Variants in NAALADL2 observed in about 807,000 individuals in gnomAD.
NAALADL2 encodes the protein inactive N-acetylated-alpha-linked acidic dipeptidase-like protein 2.
NAALADL2 carries 76 observed loss-of-function variants against 87.2 expected under a neutral mutation model. The ratio of observed to expected loss-of-function variants is 0.87; its 90% CI spans 0.72 to 1.05. The LOEUF is 1.05. Ranked by LOEUF, NAALADL2 falls within the 50% of genes least tolerant of loss-of-function variation. The pLI is 0.00. For synonymous variants in NAALADL2, 354 were observed against 331.0 expected, an observed-to-expected ratio of 1.07 and a Z score of -0.75; for missense variants, 1,089 against 945.8, an observed-to-expected ratio of 1.15 and a Z score of -1.99.
chr3:175,400,887 T>C (rs1770481011), intron 5 of NAALADL2, among the ~76,000 whole-genome samples: 1 of 152,128 alleles, frequency 6.6e-6, no homozygotes. Flanking sequence ...GAAGTTGGTA[T>C]TTGAATTAGC....
At chr3:175,444,265 T>C (rs1720312125) in intron 5 of NAALADL2, among the ~76,000 whole-genome samples, 1 of 152,196 alleles carries the variant, frequency 6.6e-6, no homozygotes, top group East Asian at 1.9e-4. Flanking sequence ...TATTTCATTA[T>C]CTCATGCACA....
At chr3:175,368,605 A>C (rs1289596292) in intron 5 of NAALADL2, among the ~76,000 whole-genome samples, 1 of 151,082 alleles carries the variant, frequency 6.6e-6, no homozygotes, top group Non-Finnish European at 1.5e-5. Flanking sequence ...GTTTATAGCC[A>C]GTATGTATAT....
chr3:175,248,885 T>C (rs61580846), intron 3 of NAALADL2, among the ~76,000 whole-genome samples: 11,951 of 152,178 alleles, frequency 0.079, 1,531 homozygotes, highest in African/African-American at 0.27. Flanking sequence ...ACAATATAAA[T>C]ATCTCATTTT....
At chr3:175,523,887 A>G (rs1241645707) in intron 9 of NAALADL2, among the ~76,000 whole-genome samples, 1 of 152,230 alleles carries the variant, frequency 6.6e-6, no homozygotes, top group Non-Finnish European at 1.5e-5. Context: ...CAAAGAATTG[A>G]CATACTGACA....
intron 2 of NAALADL2, among the ~76,000 whole-genome samples, chr3:175,193,089 T>C (rs1738445771): frequency 6.6e-6 from 1 of 152,038 alleles, no homozygotes; most frequent in Admixed American, 6.5e-5. Context: ...GCCTGACTTT[T>C]GTAATCTTTA....
At chr3:175,437,395 G>T (rs1185694183) in intron 5 of NAALADL2, among the ~76,000 whole-genome samples, 1 of 145,358 alleles carries the variant, frequency 6.9e-6, no homozygotes, top group African/African-American at 2.6e-5. Context: ...ACTTACAAGG[G>T]ATGTGAAGGA....
intron 8 of NAALADL2, among the ~76,000 whole-genome samples, chr3:175,470,480 A>C (rs1186450090): frequency 1.3e-5 from 2 of 152,176 alleles, no homozygotes; most frequent in African/African-American, 2.4e-5. Context: ...ATATCATTTT[A>C]AGCTGTCAAT....
intron 2 of NAALADL2, among the ~76,000 whole-genome samples, chr3:174,737,112 G>A (rs1328537997): frequency 6.6e-6 from 1 of 152,224 alleles, no homozygotes; most frequent in African/African-American, 2.4e-5. Context: ...CCAGGCCATG[G>A]GGCATGCAGC....
At chr3:174,808,540 G>T (rs1719772509) in intron 3 of NAALADL2, among the ~76,000 whole-genome samples, 1 of 152,108 alleles carries the variant, frequency 6.6e-6, no homozygotes, top group Non-Finnish European at 1.5e-5. Context: ...CTGCCAAAAA[G>T]TCAATACAGC....
At chr3:175,642,991 A>T (rs1229133316) in intron 11 of NAALADL2, among the ~76,000 whole-genome samples, 2 of 152,234 alleles carry the variant, frequency 1.3e-5, no homozygotes, top group Non-Finnish European at 2.9e-5. Context: ...AAGATAATGC[A>T]CATCTCTGAA....
At chr3:174,610,259 G>T (rs1256881069) in intron 2 of NAALADL2, among the ~76,000 whole-genome samples, 1 of 151,902 alleles carries the variant, frequency 6.6e-6, no homozygotes, top group Non-Finnish European at 1.5e-5. Context: ...GCATGGGCAA[G>T]GACTTCATGT....
At chr3:175,745,851 C>T (rs146361975) in intron 12 of NAALADL2, among the ~76,000 whole-genome samples, 10 of 152,308 alleles carry the variant, frequency 6.6e-5, no homozygotes, top group Non-Finnish European at 1.5e-4. Flanking sequence ...ATGTCTAAAA[C>T]AGCACTTTAA....
At chr3:175,553,528 C>T (rs1465239014) in intron 9 of NAALADL2, among the ~76,000 whole-genome samples, 1 of 151,924 alleles carries the variant, frequency 6.6e-6, no homozygotes, top group African/African-American at 2.4e-5. Context: ...TGTACTTACA[C>T]ATTGAACTAG....
intron 2 of NAALADL2, among the ~76,000 whole-genome samples, chr3:175,180,943 T>G (rs4597720): frequency 0.73 from 110,986 of 151,830 alleles, 41,121 homozygotes; most frequent in Non-Finnish European, 0.8. Context: ...CTGAATTTGA[T>G]TTCAGACCAT....
At chr3:175,095,702 C>T (rs765659162) in intron 1 of NAALADL2, among the ~76,000 whole-genome samples, 5 of 152,118 alleles carry the variant, frequency 3.3e-5, no homozygotes, top group South Asian at 2.1e-4. Flanking sequence ...TTGTCTACCA[C>T]GATTCCTAAG....
chr3:175,332,117 C>A (rs914039456), intron 5 of NAALADL2, among the ~76,000 whole-genome samples: 3 of 152,100 alleles, frequency 2.0e-5, no homozygotes, highest in Non-Finnish European at 2.9e-5. Context: ...TGCTCATGGA[C>A]TGGAATAATT....
chr3:175,623,681 A>G (rs1560868868), intron 10 of NAALADL2, among the ~76,000 whole-genome samples: 2 of 152,052 alleles, frequency 1.3e-5, no homozygotes, highest in Admixed American at 6.6e-5. Context: ...CACAGCTACA[A>G]CTAAATAATA....
intron 2 of NAALADL2, among the ~76,000 whole-genome samples, chr3:174,716,085 G>A (rs535452202): frequency 6.6e-6 from 1 of 151,928 alleles, no homozygotes; most frequent in Admixed American, 6.6e-5. Context: ...TATTCTTCCT[G>A]TGACTCCATT....
intron 9 of NAALADL2, among the ~76,000 whole-genome samples, chr3:175,560,348 G>A (rs6810138): frequency 2.0e-5 from 3 of 151,836 alleles, no homozygotes; most frequent in African/African-American, 7.3e-5. Flanking sequence ...CTGGCTAAAG[G>A]TTCGACAATT....
Sources: gnomAD v4.1 joint callset for allele counts (sites outside exome capture counted in the v4.1 genomes callset) on GRCh38, gnomAD v4.1.1 for gene constraint, MANE v1.5 for transcripts, NCBI Gene and HGNC (gene_info 2026-07-23, HGNC 2026-07-21) for gene names.